Variants in SCCPDH observed in about 807,000 individuals in gnomAD.
SCCPDH encodes saccharopine dehydrogenase (putative).
Under a neutral mutation model 51.5 loss-of-function variants are expected in SCCPDH, and 34 were observed. That is an observed-to-expected ratio of 0.66 (90% CI 0.50 to 0.88). The LOEUF is 0.88. Among genes scored for constraint, SCCPDH ranks in the 40% least tolerant of loss-of-function variants. The pLI, the probability that SCCPDH is intolerant of heterozygous loss-of-function variation, is 0.00. For missense variants in SCCPDH, 464 were observed against 527.1 expected, an observed-to-expected ratio of 0.88 and a Z score of 1.17; for synonymous variants, 187 against 191.3, an observed-to-expected ratio of 0.98 and a Z score of 0.19.
chr1:246,756,491 C>T (rs1425201026), intron 5 of SCCPDH, among the ~76,000 whole-genome samples: 1 of 152,122 alleles, frequency 6.6e-6, no homozygotes, highest in Non-Finnish European at 1.5e-5. Context: ...TTCTGTGAAA[C>T]GCAAATAGTT....
intron 9 of SCCPDH, 52 bp from the exon 10 acceptor site, chr1:246,764,194 C>T: frequency 9.2e-7 from 1 of 1,092,350 alleles, no homozygotes; most frequent in Non-Finnish European, 1.4e-6. Flanking sequence ...TACTATGTTC[C>T]AGGAGGAAAT....
intron 3 of SCCPDH, among the ~76,000 whole-genome samples, chr1:246,739,592 T>G (rs1668648428): frequency 1.3e-5 from 2 of 152,270 alleles, no homozygotes; most frequent in Non-Finnish European, 1.5e-5. Context: ...ATGTCAGTAC[T>G]GGTTCATTAA....
intron 2 of SCCPDH, among the ~76,000 whole-genome samples, chr1:246,735,395 G>A (rs1393586387): frequency 6.6e-6 from 1 of 152,120 alleles, no homozygotes; most frequent in Admixed American, 6.6e-5. Context: ...GTTCTTTAGG[G>A]TTCAACTCAA....
chr1:246,750,143 T>C (rs1328849509), intron 5 of SCCPDH, among the ~76,000 whole-genome samples: 3 of 152,132 alleles, frequency 2.0e-5, no homozygotes, highest in African/African-American at 7.2e-5. Flanking sequence ...TTAGAAGCAC[T>C]AGGTAGGGTC....
chr1:246,764,554 C>T (rs1177510389), intron 10 of SCCPDH, among the ~76,000 whole-genome samples, 197 bp downstream of exon 10: 2 of 152,182 alleles, frequency 1.3e-5, no homozygotes, highest in Non-Finnish European at 1.5e-5. Context: ...GCATCCCTCC[C>T]TCTGGCTGTT....
rs1420142746 is a variant in SCCPDH at position 246,768,121 on chromosome 1, A to G, written c.*821A>G. 1 of 152,206 alleles carries G rather than the reference A, an allele frequency of 6.6e-6. No homozygotes were observed. The highest frequency in any genetic ancestry group is 1.5e-5 in the Non-Finnish European group (1 of 68,042). 9.4% of individuals were successfully genotyped at this position (152,206 alleles called of 1,614,324 possible). On this transcript the variant is annotated 3_prime_UTR_variant, in exon 12 of 12. Coordinates refer to ENST00000366510, the MANE Select transcript of SCCPDH (RefSeq NM_016002.3). ...CTTTTGTAATAAGCATATAATAAAC[A>G]CGTATATACATAGCAATCATGTTGT...
In SCCPDH at chr1:246,724,576, C is replaced by T. The variant is rs912759002; in HGVS notation, c.154C>T (p.Leu52=). The T allele has an allele frequency of 2.2e-5, 33 of 1,526,152 alleles. No homozygotes were observed. The highest frequency in any genetic ancestry group is 2.5e-5 in the Non-Finnish European group (29 of 1,139,540). 94.5% of individuals were successfully genotyped at this position (1,526,152 alleles called of 1,614,324 possible). A position where few individuals can be genotyped will look rare whatever the true frequency, so the allele number is the denominator to read the frequency against. The part of the protein sequence containing the change: ...WAVAGRSREK[L]QRVLEKAALK... The stretch of plus-strand genomic sequence containing the variant: ...CGTGGCGGGCCGCTCCCGGGAGAAG[C>T]TGCAGCGGGTGCTGGAGAAGGCGGC... Residue 52 remains leucine (L), a synonymous_variant, in exon 1 of 12, where the codon CTG becomes TTG. Transcript: ENST00000366510.
rs368817098 is a variant in SCCPDH, at chr1:246,735,996, G to A, written c.325G>A (p.Val109Ile). ...CTAGTATCGGTTTTATGGAGAACCT[G>A]TAATAAAAGCATGTATTGAAAATGG... ...VGPYRFYGEPVIKACIENGAS... is the reference protein window; with the variant it reads ...VGPYRFYGEPIIKACIENGAS... The change falls in exon 3 of 12, where the codon GTA becomes ATA. Residue 109 changes from valine to isoleucine, a missense_variant. Val to Ile is a conservative substitution (Grantham distance 29, BLOSUM62 3). Transcript: ENST00000366510. The A allele has an allele frequency of 6.2e-6, 10 of 1,611,806 alleles. No individual in the cohort carries two copies. The highest frequency in any genetic ancestry group is 2.7e-5 in the African/African-American group (2 of 74,842).
chr1:246,743,512 G>A (rs1034350915), intron 4 of SCCPDH, among the ~76,000 whole-genome samples: 4 of 151,876 alleles, frequency 2.6e-5, no homozygotes, highest in African/African-American at 9.7e-5. Context: ...GATCCCAGGA[G>A]GTGGAGGTTG....
chr1:246,741,634 C>T (rs751181700), intron 4 of SCCPDH, among the ~76,000 whole-genome samples: 6 of 151,830 alleles, frequency 4.0e-5, no homozygotes, highest in East Asian at 1.9e-4. Flanking sequence ...TATATTGAGA[C>T]CAAGGTTTAG....
chr1:246,738,095 C>G (rs1668624860), intron 3 of SCCPDH, among the ~76,000 whole-genome samples: 1 of 152,084 alleles, frequency 6.6e-6, no homozygotes, highest in Admixed American at 6.5e-5. Context: ...ACTCAGAAGG[C>G]TGAGGCATGA....
At chr1:246,760,723 C>T (rs1267590687) in intron 9 of SCCPDH, among the ~76,000 whole-genome samples, 3 of 152,214 alleles carry the variant, frequency 2.0e-5, no homozygotes, top group Non-Finnish European at 4.4e-5. Flanking sequence ...CAGATCCCAA[C>T]CCTGGCTCAG....
chr1:246,742,807 A>G (rs1320454595), intron 4 of SCCPDH, among the ~76,000 whole-genome samples: 1 of 152,200 alleles, frequency 6.6e-6, no homozygotes, highest in Non-Finnish European at 1.5e-5. Context: ...TAGCCAGCCC[A>G]TTATATTTTT....
At chr1:246,728,371 G>A (rs375204897) in intron 2 of SCCPDH, among the ~76,000 whole-genome samples, 3 of 152,214 alleles carry the variant, frequency 2.0e-5, no homozygotes, top group South Asian at 2.1e-4. Flanking sequence ...TATAATGGAC[G>A]CCCTCATCTA....
intron 11 of SCCPDH, 31 bp downstream of exon 11, chr1:246,766,170 CT>C: frequency 7.0e-7 from 1 of 1,429,176 alleles, no homozygotes; most frequent in Non-Finnish European, 9.8e-7. Flanking sequence ...ATTAGAAGAT[CT>C]TTTTTATCTA....
chr1:246,734,275 G>A (rs1668537580), intron 2 of SCCPDH, among the ~76,000 whole-genome samples: 1 of 152,156 alleles, frequency 6.6e-6, no homozygotes, highest in Admixed American at 6.5e-5. Context: ...GATCAACCAG[G>A]ATAATCCACT....
Position 246,766,050 on chromosome 1 carries a change from T to G in SCCPDH, c.1103-8T>G, listed in dbSNP as rs1034270484. ...CTTTCTTTTTCCCTGATCAACTGTT[T>G]TCTGCAGAGGCTGGCTATGTGGCTA... On this transcript the variant is annotated splice_region_variant and splice_polypyrimidine_tract_variant and intron_variant, in intron 10 of 11. Coordinates refer to ENST00000366510, the MANE Select transcript of SCCPDH (RefSeq NM_016002.3). 1 of 1,593,368 alleles carries G rather than the reference T, an allele frequency of 6.3e-7. No individual in the cohort carries two copies. The highest frequency in any genetic ancestry group is 2.2e-5 in the East Asian group (1 of 44,722).
intron 9 of SCCPDH, among the ~76,000 whole-genome samples, chr1:246,761,824 G>C (rs1404608355): frequency 1.3e-5 from 2 of 152,208 alleles, no homozygotes; most frequent in Admixed American, 1.3e-4. Flanking sequence ...TCCAGCTTTT[G>C]GCTATTGCCA....
At chr1:246,759,506 C>T (rs910820987) in intron 7 of SCCPDH, among the ~76,000 whole-genome samples, 5 of 152,130 alleles carry the variant, frequency 3.3e-5, no homozygotes, top group Admixed American at 2.0e-4. Context: ...CTCCTTGCCA[C>T]GCCTGGAGTT....
Sources: gnomAD v4.1 joint callset for allele counts (sites outside exome capture counted in the v4.1 genomes callset) on GRCh38, gnomAD v4.1.1 for gene constraint, MANE v1.5 for transcripts, NCBI Gene and HGNC (gene_info 2026-07-23, HGNC 2026-07-21) for gene names.